The following ITIH2 variants were observed in gnomAD, a reference collection of about 807,000 sequenced individuals.
ITIH2 encodes inter-alpha-trypsin inhibitor heavy chain H2.
Under a neutral mutation model 104.4 loss-of-function variants are expected in ITIH2, and 103 were observed. The ratio of observed to expected loss-of-function variants is 0.99; its 90% confidence interval spans 0.84 to 1.16. The LOEUF (loss-of-function observed/expected upper bound fraction) is 1.16, where lower values mean the gene tolerates loss of function less well. Ranked by LOEUF, ITIH2 falls within the 50% of genes most tolerant of loss-of-function variation. The probability of loss-of-function intolerance (pLI) is 0.00; values close to 1 mark genes in which losing one functional copy is unlikely to be tolerated. For synonymous variants in ITIH2, 436 were observed against 435.4 expected (o/e 1.00, Z -0.02); for missense variants, 1,108 against 1,162.4 (o/e 0.95, Z 0.68).
Position 7,743,276 on chromosome 10 carries a change from T to A in ITIH2, c.2209+17T>A, listed in dbSNP as rs764080312. Reference sequence around the variant, plus strand: ...CAGAATCAGGTAAAATAAAAATAAATTATATTTGCACCAATTAGGTCATTG... The same window carrying A: ...CAGAATCAGGTAAAATAAAAATAAAATATATTTGCACCAATTAGGTCATTG... On this transcript the variant is annotated intron_variant, in intron 17 of 20. Coordinates refer to ENST00000358415, the MANE Select transcript of ITIH2 (RefSeq NM_002216.3). The A allele has an allele frequency of 7.6e-7, 1 of 1,321,984 alleles. No homozygotes were observed. Among genetic ancestry groups the A allele is most frequent in the Non-Finnish European group, 1.1e-6 (1 of 928,222 alleles). 81.9% of individuals were successfully genotyped at this position (1,321,984 alleles called of 1,614,324 possible).
At chr10:7,711,584 C>T (rs908377410) in intron 4 of ITIH2, among the ~76,000 whole-genome samples, 5 of 152,056 alleles carry the variant, frequency 3.3e-5, no homozygotes, top group Non-Finnish European at 2.9e-5. Flanking sequence ...AGTTCTGATT[C>T]GATAGAAGCA....
At chr10:7,704,264 AT>A (rs770978136) in intron 1 of ITIH2, among the ~76,000 whole-genome samples, 1 of 152,358 alleles carries the variant, frequency 6.6e-6, no homozygotes, top group East Asian at 1.9e-4. Context: ...ACCTATAAAA[AT>A]GCCAGAGAAT....
At chr10:7,726,335 G>C (rs1185796901) in intron 9 of ITIH2, among the ~76,000 whole-genome samples, 1 of 152,210 alleles carries the variant, frequency 6.6e-6, no homozygotes, top group Admixed American at 6.5e-5. Flanking sequence ...ACAATTGCTG[G>C]AGCCATGATC....
chr10:7,732,699 CATTA>C (rs1377051219), intron 14 of ITIH2, among the ~76,000 whole-genome samples: 2 of 151,696 alleles, frequency 1.3e-5, no homozygotes, highest in African/African-American at 4.8e-5. Context: ...ATGCAAAATG[CATTA>C]ATTTTTTAAT....
At chr10:7,719,324 AGC>A (rs1834879596) in intron 6 of ITIH2, among the ~76,000 whole-genome samples, 1 of 152,206 alleles carries the variant, frequency 6.6e-6, no homozygotes, top group African/African-American at 2.4e-5. Context: ...AGGCAAATGC[AGC>A]GCCATCCAGG....
At chr10:7,713,526 G>A in intron 5 of ITIH2, 1 of 434,512 alleles carries the variant, frequency 2.3e-6, no homozygotes, top group Non-Finnish European at 4.1e-6. Flanking sequence ...CTTGCAGGTA[G>A]ATGGATGTTC....
chr10:7,713,334 C>T (rs1834815746), intron 5 of ITIH2, 49 bp downstream of exon 5: 2 of 1,421,718 alleles, frequency 1.4e-6, no homozygotes, highest in Non-Finnish European at 2.0e-6. Context: ...ATGACGGTTT[C>T]CTCTCCTACT....
At chr10:7,713,559 T>C (rs1834817544) in intron 5 of ITIH2, among the ~76,000 whole-genome samples, 1 of 152,228 alleles carries the variant, frequency 6.6e-6, no homozygotes, top group Non-Finnish European at 1.5e-5. Flanking sequence ...CTGCTTTTTC[T>C]AAAGAGTGAA....
intron 16 of ITIH2, among the ~76,000 whole-genome samples, chr10:7,742,715 G>C (rs1364721003): frequency 6.6e-6 from 1 of 152,202 alleles, no homozygotes; most frequent in East Asian, 1.9e-4. Context: ...TTGCACTCCA[G>C]CCTGGGTGAC....
At chr10:7,732,869 T>A (rs1245515855) in intron 14 of ITIH2, among the ~76,000 whole-genome samples, 1 of 152,126 alleles carries the variant, frequency 6.6e-6, no homozygotes, top group East Asian at 1.9e-4. Flanking sequence ...CTGGGATTAC[T>A]GGTGCCCACC....
intron 16 of ITIH2, among the ~76,000 whole-genome samples, chr10:7,741,380 A>G (rs1272950187): frequency 6.6e-6 from 1 of 151,738 alleles, no homozygotes; most frequent in African/African-American, 2.4e-5. Flanking sequence ...GGGTTTCACT[A>G]TGCTGGCCAG....
chr10:7,721,884 T>C (rs1314944188), intron 8 of ITIH2, 107 bp downstream of exon 8: 34 of 1,166,678 alleles, frequency 2.9e-5, no homozygotes, highest in Non-Finnish European at 4.2e-5. Flanking sequence ...CCAGGGCAAG[T>C]GTTTCTAGCT....
intron 19 of ITIH2, 36 bp from the exon 20 acceptor site, chr10:7,746,557 T>C: frequency 7.3e-7 from 1 of 1,368,060 alleles, no homozygotes; most frequent in Non-Finnish European, 1.0e-6. Context: ...TTAACTATGA[T>C]TACATGTCAA....
rs1588448947 is a variant in ITIH2, at chr10:7,707,238, G to A, written c.192+5G>A. On this transcript the variant is annotated splice_donor_5th_base_variant and intron_variant, in intron 3 of 20. Coordinates refer to ENST00000358415, the MANE Select transcript of ITIH2 (RefSeq NM_002216.3). ...GGAGAATCGGAAGAAATGATGGTAA[G>A]TTGACTTGATGTTGTTACAGATTGA... The A allele has an allele frequency of 1.3e-6, 2 of 1,594,622 alleles. No homozygotes were observed. The highest frequency in any genetic ancestry group is 2.2e-5 in the South Asian group (2 of 89,574).
intron 15 of ITIH2, among the ~76,000 whole-genome samples, chr10:7,736,517 A>G: frequency 6.6e-6 from 1 of 152,182 alleles, no homozygotes; most frequent in Non-Finnish European, 1.5e-5. Flanking sequence ...AAAAGTTTAT[A>G]CATTTTAATT....
At chr10:7,705,005 G>A (rs1258105428) in intron 1 of ITIH2, 103 bp from the exon 2 acceptor site, 2 of 690,326 alleles carry the variant, frequency 2.9e-6, no homozygotes, top group East Asian at 2.8e-5. Flanking sequence ...AACCAACATG[G>A]CACATGTATA....
At chr10:7,743,821 A>G (rs1402847613) in intron 17 of ITIH2, among the ~76,000 whole-genome samples, 1 of 152,126 alleles carries the variant, frequency 6.6e-6, no homozygotes, top group African/African-American at 2.4e-5. Context: ...ATGATAGTCA[A>G]TTATTTAAAT....
chr10:7,742,565 A>G (rs981342003), intron 16 of ITIH2, among the ~76,000 whole-genome samples: 1 of 151,500 alleles, frequency 6.6e-6, no homozygotes, highest in African/African-American at 2.4e-5. Flanking sequence ...ACAAAGTGAG[A>G]CCCCCCATCT....
Position 7,746,650 on chromosome 10 carries a change from C to T in ITIH2, c.2639C>T (p.Pro880Leu), listed in dbSNP as rs1268496896. ...HIFNERPGKD[P>L]EKPEASMEVK... is the part of the protein sequence containing the mutation. ...TTCAATGAGAGACCAGGAAAGGACC[C>T]TGAGAAGCCAGAGGCCAGCATGGAA... Residue 880 changes from proline (P) to leucine (L), a missense_variant, in exon 20 of 21, where the codon CCT becomes CTT. Physicochemically the swap from Pro to Leu is moderately conservative, Grantham distance 98. Coordinates refer to ENST00000358415, the MANE Select transcript of ITIH2 (RefSeq NM_002216.3). 2 of 1,613,992 alleles carry T rather than the reference C, an allele frequency of 1.2e-6. No homozygotes were observed. The highest frequency in any genetic ancestry group is 3.3e-5 in the Admixed American group (2 of 60,000).
Sources: gnomAD v4.1 joint callset for allele counts (sites outside exome capture counted in the v4.1 genomes callset) on GRCh38, gnomAD v4.1.1 for gene constraint, MANE v1.5 for transcripts, NCBI Gene and HGNC (gene_info 2026-07-23, HGNC 2026-07-21) for gene names.